Variants in IL23R observed in about 807,000 individuals in gnomAD.
IL23R encodes the protein interleukin 23 receptor.
IL23R carries 34 observed loss-of-function variants against 56.9 expected under a neutral mutation model. The ratio of observed to expected loss-of-function variants is 0.60; its 90% CI spans 0.45 to 0.80. The LOEUF (loss-of-function observed/expected upper bound fraction) is 0.80, where lower values mean the gene tolerates loss of function less well. Among genes scored for constraint, IL23R ranks in the 30% least tolerant of loss-of-function variants. IL23R has a pLI of 0.00. For missense variants in IL23R, 635 were observed against 730.0 expected, an observed-to-expected ratio of 0.87 and a Z score of 1.50; for synonymous variants, 230 against 249.2, an observed-to-expected ratio of 0.92 and a Z score of 0.73.
chr1:67,196,477 C>T (rs1209178464), intron 4 of IL23R, among the ~76,000 whole-genome samples: 1 of 152,184 alleles, frequency 6.6e-6, no homozygotes, highest in Non-Finnish European at 1.5e-5. Flanking sequence ...AAAGTCAAGG[C>T]TGCAGTGAGT....
chr1:67,183,690 T>C (rs184307857), intron 4 of IL23R, among the ~76,000 whole-genome samples: 2 of 152,358 alleles, frequency 1.3e-5, no homozygotes, highest in Admixed American at 1.3e-4. Flanking sequence ...TAATTAATTA[T>C]GTGGAATTTG....
chr1:67,200,638 G>A, intron 4 of IL23R, 99 bp from the exon 5 acceptor site: 2 of 1,217,444 alleles, frequency 1.6e-6, no homozygotes, highest in South Asian at 2.5e-5. Flanking sequence ...AACCCGCTTG[G>A]TCTCCCAAAA....
rs1489094759 is a variant in IL23R at position 67,219,521 on chromosome 1, A to T, written c.799-53A>T. The stretch of plus-strand genomic sequence containing the variant: ...GTTCCATACATTTCTGCTAAATAAA[A>T]TAGTTGTTTTAAAAGCACACCACAT... On this transcript the variant is annotated intron_variant, in intron 6 of 10. Transcript: ENST00000347310. 3 of 1,547,846 alleles carry T rather than the reference A, an allele frequency of 1.9e-6. No homozygotes were observed. The African/African-American group carries it at 4.1e-5, about 21-fold the overall frequency.
chr1:67,147,961 G>A (rs915449625), intron 1 of IL23R, among the ~76,000 whole-genome samples: 1 of 152,044 alleles, frequency 6.6e-6, no homozygotes, highest in African/African-American at 2.4e-5. Context: ...TGGGGTTCTT[G>A]GCCTCATGGA....
intron 7 of IL23R, among the ~76,000 whole-genome samples, chr1:67,228,363 C>CTTTTTTTT (rs78083258): frequency 0.015 from 1,533 of 105,670 alleles, 90 homozygotes; most frequent in African/African-American, 0.043. Context: ...TTTTTTCTTC[C>CTTTTTTTT]TTTTTTTTTT....
chr1:67,144,852 TA>T (rs1646666222), intron 1 of IL23R, among the ~76,000 whole-genome samples: 1 of 152,202 alleles, frequency 6.6e-6, no homozygotes, highest in African/African-American at 2.4e-5. Flanking sequence ...ATTCCTGGAT[TA>T]ATATTTCTCA....
chr1:67,206,330 A>G (rs2102635671), intron 5 of IL23R, among the ~76,000 whole-genome samples: 1 of 151,690 alleles, frequency 6.6e-6, no homozygotes, highest in East Asian at 1.9e-4. Context: ...CTTTTTTTTG[A>G]GACAAGCTCT....
At chr1:67,148,272 C>A (rs1474692156) in intron 1 of IL23R, among the ~76,000 whole-genome samples, 1 of 152,242 alleles carries the variant, frequency 6.6e-6, no homozygotes, top group Non-Finnish European at 1.5e-5. Flanking sequence ...TCAGCTCCAG[C>A]CAGAACAAAC....
At chr1:67,254,343 A>G (rs1256640555) in intron 9 of IL23R, among the ~76,000 whole-genome samples, 1 of 152,058 alleles carries the variant, frequency 6.6e-6, no homozygotes, top group African/African-American at 2.4e-5. Context: ...TGTTGGGATT[A>G]CAGGTGTGAG....
intron 4 of IL23R, among the ~76,000 whole-genome samples, chr1:67,196,632 A>G (rs1648175745): frequency 6.6e-6 from 1 of 152,234 alleles, no homozygotes; most frequent in Non-Finnish European, 1.5e-5. Context: ...TAGTATATCT[A>G]TATCAAGTTA....
chr1:67,183,988 CT>C (rs1179122232), intron 4 of IL23R, among the ~76,000 whole-genome samples: 1 of 152,184 alleles, frequency 6.6e-6, no homozygotes, highest in Non-Finnish European at 1.5e-5. Context: ...AATCCCAGCA[CT>C]TTGGGAGACT....
At chr1:67,243,682 G>A (rs1225488616) in intron 9 of IL23R, among the ~76,000 whole-genome samples, 1 of 152,100 alleles carries the variant, frequency 6.6e-6, no homozygotes, top group African/African-American at 2.4e-5. Context: ...ATGTATGTGT[G>A]CCACATTTTC....
chr1:67,171,863 C>T (rs968083252), intron 3 of IL23R, among the ~76,000 whole-genome samples: 1 of 152,172 alleles, frequency 6.6e-6, no homozygotes, highest in African/African-American at 2.4e-5. Context: ...CAAAAGCCCT[C>T]CCAAGTGTTG....
At chr1:67,140,798 C>A (rs1646629937) in intron 1 of IL23R, among the ~76,000 whole-genome samples, 1 of 152,148 alleles carries the variant, frequency 6.6e-6, no homozygotes, top group African/African-American at 2.4e-5. Context: ...TTATTGAATT[C>A]TCACTTATTA....
intron 6 of IL23R, among the ~76,000 whole-genome samples, chr1:67,210,986 T>G (rs777033883): frequency 1.0e-3 from 159 of 152,268 alleles, no homozygotes; most frequent in Non-Finnish European, 1.9e-3. Flanking sequence ...ATCAAGAAGA[T>G]GGGGGCAAAA....
At chr1:67,149,078 C>A (rs1340342020) in intron 1 of IL23R, among the ~76,000 whole-genome samples, 1 of 152,126 alleles carries the variant, frequency 6.6e-6, no homozygotes, top group East Asian at 1.9e-4. Flanking sequence ...AACTGATATA[C>A]CTCCCACCCC....
intron 7 of IL23R, among the ~76,000 whole-genome samples, chr1:67,221,643 C>G (rs1184825909): frequency 2.6e-5 from 4 of 152,132 alleles, no homozygotes; most frequent in African/African-American, 7.2e-5. Flanking sequence ...AAAGATGTCT[C>G]CCTACTGTAG....
intron 7 of IL23R, 152 bp from the exon 8 acceptor site, chr1:67,236,561 T>G: frequency 1.5e-6 from 1 of 653,954 alleles, no homozygotes; most frequent in Non-Finnish European, 2.8e-6. Context: ...AGACACATAC[T>G]CGAAGACTAT....
At chr1:67,152,997 T>A (rs1558217047) in intron 1 of IL23R, among the ~76,000 whole-genome samples, 1 of 152,236 alleles carries the variant, frequency 6.6e-6, no homozygotes, top group Non-Finnish European at 1.5e-5. Flanking sequence ...CCTTTTCAAT[T>A]GTCTGGAGCA....
Sources: gnomAD v4.1 joint callset for allele counts (sites outside exome capture counted in the v4.1 genomes callset) on GRCh38, gnomAD v4.1.1 for gene constraint, MANE v1.5 for transcripts, NCBI Gene and HGNC (gene_info 2026-07-23, HGNC 2026-07-21) for gene names.